The following CEP104 variants were observed in gnomAD, a reference collection of about 807,000 sequenced individuals.
CEP104 encodes the protein centrosomal protein 104, also known as centrosomal protein of 104 kDa.
CEP104 carries 84 observed loss-of-function variants against 113.3 expected under a neutral mutation model. The observed-to-expected ratio is 0.74, with a 90% CI of 0.62 to 0.89. The LOEUF (loss-of-function observed/expected upper bound fraction) is 0.89. CEP104 is among the 40% of genes least tolerant of loss of function. The pLI, the probability that CEP104 is intolerant of heterozygous loss-of-function variation, is 0.00. For synonymous variants in CEP104, 378 were observed against 421.7 expected (o/e 0.90, Z 1.27); for missense variants, 1,053 against 1,156.6 (o/e 0.91, Z 1.30).
At chr1:3,844,153 T>C (rs959320425) in intron 6 of CEP104, among the ~76,000 whole-genome samples, 4 of 152,236 alleles carry the variant, frequency 2.6e-5, no homozygotes, top group Non-Finnish European at 5.9e-5. Context: ...TCTCTAGAAC[T>C]GATAACCTGG....
At chr1:3,816,208 C>A in intron 21 of CEP104, 72 bp downstream of exon 21, 1 of 1,333,064 alleles carries the variant, frequency 7.5e-7, no homozygotes. Context: ...TTGCCCTGGA[C>A]GGGGATGCTT....
chr1:3,850,492 G>A (rs945511602), intron 2 of CEP104, among the ~76,000 whole-genome samples: 1 of 152,162 alleles, frequency 6.6e-6, no homozygotes, highest in Non-Finnish European at 1.5e-5. Flanking sequence ...TGAATTCTGA[G>A]GTCACATGAA....
chr1:3,830,895 G>T (rs905312426), intron 13 of CEP104, 151 bp downstream of exon 13: 2 of 740,406 alleles, frequency 2.7e-6, no homozygotes, highest in Admixed American at 3.0e-5. Flanking sequence ...CGCATGTGGG[G>T]GCCCCCATTT....
rs372050544 is a variant in CEP104 at position 3,834,072 on chromosome 1, G to A, written c.1486-37C>T. On this transcript the variant is annotated intron_variant, in intron 11 of 21. Transcript: ENST00000378230. Reference sequence around the variant, plus strand: ...GTGATGAACACGGATGAGTTACTACGGTGCAATTCCACCAAGAGGAAACAT... The same window carrying A: ...GTGATGAACACGGATGAGTTACTACAGTGCAATTCCACCAAGAGGAAACAT... 2.8e-5 allele frequency: 43 copies of A among 1,513,924 alleles called. No homozygotes were observed. The African/African-American group carries it at 3.7e-4, about 13-fold the overall frequency. 93.8% of individuals were successfully genotyped at this position (1,513,924 alleles called of 1,614,324 possible). A position where few individuals can be genotyped will look rare whatever the true frequency, so the allele number is the denominator to read the frequency against.
chr1:3,837,742 G>C (rs1644342414), intron 8 of CEP104, among the ~76,000 whole-genome samples: 1 of 152,244 alleles, frequency 6.6e-6, no homozygotes. Context: ...CCACATTTCT[G>C]TGTTGACTAC....
At chr1:3,835,925 G>A (rs1570808281) in intron 10 of CEP104, among the ~76,000 whole-genome samples, 1 of 151,856 alleles carries the variant, frequency 6.6e-6, no homozygotes. Flanking sequence ...GGGAGGCCAA[G>A]GCCAGGAGTT....
intron 20 of CEP104, among the ~76,000 whole-genome samples, chr1:3,817,255 T>C (rs988870665): frequency 6.6e-6 from 1 of 152,022 alleles, no homozygotes; most frequent in Non-Finnish European, 1.5e-5. Context: ...GGCAGGAGAA[T>C]TGCTTGAACG....
chr1:3,823,108 T>TCACCACCACTGC lies in CEP104; in HGVS notation c.2571+54_2571+65dup. 6.8e-7 allele frequency: 1 copy of TCACCACCACTGC among 1,464,884 alleles called. No individual in the cohort carries two copies. Among genetic ancestry groups the TCACCACCACTGC allele is most frequent in the South Asian group, 1.1e-5 (1 of 88,116 alleles). 90.7% of individuals were successfully genotyped at this position (1,464,884 alleles called of 1,614,324 possible). On this transcript the variant is annotated intron_variant, in intron 20 of 21. Transcript: ENST00000378230. The surrounding 1 kb of genome is among the most constrained non-coding windows in gnomAD (Gnocchi z 4.1). ...TGGTCCCGCACTGACACCACCACTG[T>TCACCACCACTGC]CACCACCACTGCCATCCACAGGTGT...
chr1:3,822,336 G>T (rs2124640404), intron 20 of CEP104, among the ~76,000 whole-genome samples: 1 of 152,326 alleles, frequency 6.6e-6, no homozygotes, highest in East Asian at 1.9e-4. Flanking sequence ...TGTTTGGTGT[G>T]AGTTTTCTGG....
At chr1:3,825,342 A>G (rs536517610) in intron 18 of CEP104, among the ~76,000 whole-genome samples, 9 of 152,318 alleles carry the variant, frequency 5.9e-5, no homozygotes, top group Admixed American at 5.9e-4. Flanking sequence ...ATTGTTTATC[A>G]TGGTCCCAAA....
chr1:3,840,209 C>A (rs568385523), intron 6 of CEP104, among the ~76,000 whole-genome samples: 3 of 152,202 alleles, frequency 2.0e-5, no homozygotes, highest in Admixed American at 6.5e-5. Flanking sequence ...GTCCAGGCGC[C>A]GTATTTTATA....
Position 3,813,290 on chromosome 1 carries a change from G to C in CEP104, c.*2112C>G. 1 of 147,250 alleles carries C rather than the reference G, an allele frequency of 6.8e-6. No homozygotes were observed. Among genetic ancestry groups the C allele is most frequent in the Non-Finnish European group, 1.5e-5 (1 of 67,466 alleles). 9.1% of individuals were successfully genotyped at this position (147,250 alleles called of 1,614,324 possible). On this transcript the variant is annotated 3_prime_UTR_variant, in exon 22 of 22. Transcript: ENST00000378230. ...TTTCGAGACGGAGTCTCGCTCTGTC[G>C]CCTGGGCTGGAGTGCAATGGCATGA...
At chr1:3,816,255 C>G in intron 21 of CEP104, 25 bp downstream of exon 21, 1 of 1,542,498 alleles carries the variant, frequency 6.5e-7, no homozygotes, top group Non-Finnish European at 8.8e-7. Context: ...GCAGACTACA[C>G]CTGCTCAGCG....
rs140499832 is a variant in CEP104, at chr1:3,829,369, C to T, written c.2048G>A (p.Arg683Gln). ...TGCTTCTTCTGTAGCCGCTTTTCTC[C>T]GTGCCTGGTAAGAAAATTATTTTTC... Reference protein sequence around the residue: ...GRATDAEMRARRKAATEEAEK... With the variant: ...GRATDAEMRAQRKAATEEAEK... The change falls in exon 15 of 22, where the codon CGG (arginine) becomes CAG (glutamine). Residue 683 changes from arginine to glutamine, a missense_variant. Coordinates refer to ENST00000378230, the MANE Select transcript of CEP104 (RefSeq NM_014704.4). 4.0e-5 allele frequency: 64 copies of T among 1,607,620 alleles called. No individual in the cohort carries two copies. Among genetic ancestry groups the T allele is most frequent in the Admixed American group, 2.6e-4 (15 of 58,606 alleles).
intron 12 of CEP104, among the ~76,000 whole-genome samples, chr1:3,832,922 C>T (rs1644243671): frequency 6.6e-6 from 1 of 151,894 alleles, no homozygotes; most frequent in African/African-American, 2.4e-5. Flanking sequence ...CCCAAATGAT[C>T]TGCCTGCCTT....
chr1:3,812,904 T>TTTAA lies in CEP104; in HGVS notation c.*2497_*2498insTTAA, dbSNP rs1643819173. The TTTAA allele has an allele frequency of 1.4e-5, 2 of 145,540 alleles. No homozygotes were observed. The highest frequency in any genetic ancestry group is 4.2e-4 in the South Asian group (2 of 4,758). 9.0% of individuals were successfully genotyped at this position (145,540 alleles called of 1,614,324 possible). The stretch of plus-strand genomic sequence containing the variant: ...AAACAACAAAAAAACCCCCTGTAAC[T>TTTAA]AACAAAAGAGGAACCTGTTTTAAAT... On this transcript the variant is annotated 3_prime_UTR_variant, in exon 22 of 22. Coordinates refer to ENST00000378230, the MANE Select transcript of CEP104 (RefSeq NM_014704.4).
At chr1:3,850,233 A>T (rs1243976119) in intron 2 of CEP104, among the ~76,000 whole-genome samples, 1 of 152,248 alleles carries the variant, frequency 6.6e-6, no homozygotes, top group Non-Finnish European at 1.5e-5. Flanking sequence ...CCTATGATTT[A>T]GCTACTCAAA....
intron 6 of CEP104, among the ~76,000 whole-genome samples, chr1:3,840,357 C>A (rs1644391359): frequency 6.6e-6 from 1 of 152,118 alleles, no homozygotes; most frequent in African/African-American, 2.4e-5. Context: ...CTGCCTCAGC[C>A]TCCTGAGTAG....
chr1:3,848,703 G>A lies in CEP104; in HGVS notation c.192C>T (p.His64=). The part of the protein sequence containing the change: ...CRIRKLQLLA[H]QYMISSKIEF... ...CAATTTTACTTGAAATCATATACTG[G>A]TGAGCAAGTAACTGCAGTTTCCTTA... Residue 64 remains histidine, a synonymous_variant, in exon 3 of 22, where the codon CAC becomes CAT. Coordinates refer to ENST00000378230, the MANE Select transcript of CEP104 (RefSeq NM_014704.4). 1.2e-6 allele frequency: 2 copies of A among 1,613,668 alleles called. No individual in the cohort carries two copies. Among genetic ancestry groups the A allele is most frequent in the Non-Finnish European group, 8.5e-7 (1 of 1,179,766 alleles).
Sources: gnomAD v4.1 joint callset for allele counts (sites outside exome capture counted in the v4.1 genomes callset) on GRCh38, gnomAD v4.1.1 for gene constraint, Gnocchi (gnomAD v3.1) non-coding constraint, MANE v1.5 for transcripts, NCBI Gene and HGNC (gene_info 2026-07-23, HGNC 2026-07-21) for gene names.